Variants in TRIO observed in about 807,000 individuals in gnomAD.
TRIO encodes the protein trio Rho guanine nucleotide exchange factor, also known as triple functional domain protein.
TRIO carries 58 observed loss-of-function variants against 351.9 expected under a neutral mutation model. The observed-to-expected ratio is 0.16, with a 90% confidence interval of 0.13 to 0.21. TRIO has a LOEUF of 0.21. TRIO is among the 10% of genes least tolerant of loss of function. The pLI is 1.00. For missense variants in TRIO, 3,201 were observed against 4,027.8 expected, an observed-to-expected ratio of 0.79 and a Z score of 5.56; for synonymous variants, 1,758 against 1,595.7, an observed-to-expected ratio of 1.10 and a Z score of -2.42.
intron 1 of TRIO, among the ~76,000 whole-genome samples, chr5:14,234,467 C>A (rs1793653615): frequency 6.6e-6 from 1 of 152,164 alleles, no homozygotes; most frequent in Admixed American, 6.5e-5. Context: ...CTGATGTTTG[C>A]CGGAGGTAGC....
chr5:14,389,488 G>A (rs1746860113), intron 25 of TRIO, 90 bp downstream of exon 25: 2 of 890,492 alleles, frequency 2.2e-6, no homozygotes, highest in East Asian at 2.9e-5. Context: ...ATTGAATTAA[G>A]CAGATTTCAG....
At chr5:14,360,214 T>C (rs730185) in intron 13 of TRIO, among the ~76,000 whole-genome samples, 12,889 of 152,230 alleles carry the variant, frequency 0.085, 937 homozygotes, top group African/African-American at 0.19. Context: ...GACTTTTGCA[T>C]CTTATATGTG....
At chr5:14,263,979 C>CT (rs1176474077) in intron 1 of TRIO, among the ~76,000 whole-genome samples, 2 of 152,162 alleles carry the variant, frequency 1.3e-5, no homozygotes, top group Non-Finnish European at 2.9e-5. Context: ...CACATGGTTT[C>CT]TTTTTTGACT....
chr5:14,390,163 T>C (rs189672598), intron 25 of TRIO, 68 bp from the exon 26 acceptor site: 96 of 1,429,872 alleles, frequency 6.7e-5, no homozygotes, highest in Non-Finnish European at 8.6e-5. Flanking sequence ...TCTCAGTTTC[T>C]GGCATATCTC....
chr5:14,242,675 A>C (rs1375463996), intron 1 of TRIO, among the ~76,000 whole-genome samples: 2 of 152,144 alleles, frequency 1.3e-5, no homozygotes, highest in Non-Finnish European at 2.9e-5. Context: ...GCTGTGCTCA[A>C]GCAGTCCTCC....
intron 16 of TRIO, among the ~76,000 whole-genome samples, chr5:14,368,076 G>A (rs939388845): frequency 7.9e-5 from 12 of 152,226 alleles, no homozygotes; most frequent in Admixed American, 6.5e-4. Flanking sequence ...TCACTGGAGA[G>A]AAGCTTACCT....
In TRIO at chr5:14,505,402, C is replaced by T. The variant is rs139818886; in HGVS notation, c.8612+809C>T. Among the ~76,000 whole-genome samples, 764 of 152,328 alleles carry T rather than the reference C, an allele frequency of 5.0e-3. 4 individuals are homozygous for T. Among genetic ancestry groups the T allele is most frequent in the Non-Finnish European group, 8.2e-3 (559 of 68,018 alleles). On this transcript the variant is annotated intron_variant, in intron 55 of 56. Coordinates refer to ENST00000344204, the MANE Select transcript of TRIO (RefSeq NM_007118.4). ...TCGATTCCTCCTTTTTAGGGGGAGT[C>T]ATTTTATACATTTACTTGCATTTAC...
At chr5:14,457,373 TCCCCCCCC>T (rs61513660) in intron 34 of TRIO, among the ~76,000 whole-genome samples, 1 of 48,926 alleles carries the variant, frequency 2.0e-5, no homozygotes, top group African/African-American at 7.0e-5. Flanking sequence ...AGCCCTGACC[TCCCCCCCC>T]CCCCCCGCCC....
chr5:14,161,107 C>T (rs1788424437), intron 1 of TRIO, among the ~76,000 whole-genome samples: 1 of 152,140 alleles, frequency 6.6e-6, no homozygotes, highest in African/African-American at 2.4e-5. Context: ...TGGGGTTTCA[C>T]CATGTTGGCC....
At chr5:14,205,155 A>G (rs1791379044) in intron 1 of TRIO, among the ~76,000 whole-genome samples, 1 of 152,240 alleles carries the variant, frequency 6.6e-6, no homozygotes, top group Non-Finnish European at 1.5e-5. Flanking sequence ...AAAAATCCAC[A>G]GAACATCGTT....
chr5:14,421,241 ATTTTAT>A (rs552856288), intron 34 of TRIO, among the ~76,000 whole-genome samples: 8,586 of 139,814 alleles, frequency 0.061, 892 homozygotes, highest in African/African-American at 0.21. Context: ...ATTTTATTTT[ATTTTAT>A]TTTATTTTAT....
At chr5:14,490,509 G>GGCTGCAC (rs1335005303) in intron 48 of TRIO, among the ~76,000 whole-genome samples, 1 of 152,346 alleles carries the variant, frequency 6.6e-6, no homozygotes, top group Non-Finnish European at 1.5e-5. Flanking sequence ...AGTCCTTCCT[G>GGCTGCAC]CAGCTCAGTG....
At chr5:14,203,783 C>T (rs376084482) in intron 1 of TRIO, among the ~76,000 whole-genome samples, 2 of 150,348 alleles carry the variant, frequency 1.3e-5, no homozygotes, top group East Asian at 2.0e-4. Context: ...TGAAGCTGTA[C>T]AAAGCCTAGT....
At chr5:14,287,401 C>T (rs1043844409) in intron 4 of TRIO, among the ~76,000 whole-genome samples, 1 of 152,154 alleles carries the variant, frequency 6.6e-6, no homozygotes. Context: ...TGCACAGTTA[C>T]AGATTCATTC....
intron 34 of TRIO, among the ~76,000 whole-genome samples, chr5:14,443,469 G>A (rs1020348638): frequency 6.6e-6 from 1 of 152,130 alleles, no homozygotes; most frequent in Admixed American, 6.5e-5. Flanking sequence ...AAATACATAT[G>A]CATCACATTT....
In TRIO at chr5:14,336,715, C is replaced by G. The variant is rs1479949445; in HGVS notation, c.2034C>G (p.Thr678=). 6.2e-7 allele frequency: 1 copy of G among 1,614,070 alleles called. No homozygotes were observed. Among genetic ancestry groups the G allele is most frequent in the Non-Finnish European group, 8.5e-7 (1 of 1,180,000 alleles). ...ILLDMSVSFH[T]HVKELWTWLE... ...TGGACATGTCAGTGTCCTTTCACACCCATGTGAAAGAGGTAAGGTGCCAGG... is the reference window on the plus strand; with the variant it reads ...TGGACATGTCAGTGTCCTTTCACACGCATGTGAAAGAGGTAAGGTGCCAGG... Residue 678 remains threonine, a synonymous_variant, in exon 11 of 57, where the codon ACC becomes ACG. Coordinates refer to ENST00000344204, the MANE Select transcript of TRIO (RefSeq NM_007118.4).
chr5:14,194,713 T>G (rs1790663607), intron 1 of TRIO, among the ~76,000 whole-genome samples: 1 of 152,240 alleles, frequency 6.6e-6, no homozygotes, highest in African/African-American at 2.4e-5. Flanking sequence ...ATAGCCTTTG[T>G]AGATAATGAT....
At chr5:14,178,095 A>AT (rs1789515950) in intron 1 of TRIO, among the ~76,000 whole-genome samples, 2 of 152,244 alleles carry the variant, frequency 1.3e-5, no homozygotes, top group Non-Finnish European at 2.9e-5. Context: ...GGAGTAATTC[A>AT]TTTTGCCACT....
At chr5:14,236,530 T>C (rs779133511) in intron 1 of TRIO, among the ~76,000 whole-genome samples, 3 of 152,218 alleles carry the variant, frequency 2.0e-5, no homozygotes, top group African/African-American at 4.8e-5. Context: ...TTAGTTACTA[T>C]TGTATATACC....
Sources: gnomAD v4.1 joint callset for allele counts (sites outside exome capture counted in the v4.1 genomes callset) on GRCh38, gnomAD v4.1.1 for gene constraint, MANE v1.5 for transcripts, NCBI Gene and HGNC (gene_info 2026-07-23, HGNC 2026-07-21) for gene names.